The following GPR160 variants were observed in gnomAD, a reference collection of about 807,000 sequenced individuals.
GPR160 encodes G protein-coupled receptor 160, also known as probable G protein-coupled receptor 160.
A neutral mutation model predicts 2.6 loss-of-function variants in GPR160; 2 were observed. That is an observed-to-expected ratio of 0.77 (90% CI 0.32 to 2.44). The LOEUF (loss-of-function observed/expected upper bound fraction) is 2.44. Ranked by LOEUF, GPR160 falls within the 30% of genes most tolerant of loss-of-function variation. The probability of loss-of-function intolerance (pLI) is 0.11; values close to 1 mark genes in which losing one functional copy is unlikely to be tolerated. For missense variants in GPR160, 351 were observed against 383.6 expected (o/e 0.91, Z 0.71); for synonymous variants, 130 against 132.2 (o/e 0.98, Z 0.12).
At chr3:170,059,845 C>G (rs1355248116) in intron 2 of GPR160, among the ~76,000 whole-genome samples, 2 of 152,082 alleles carry the variant, frequency 1.3e-5, no homozygotes, top group East Asian at 3.9e-4. Flanking sequence ...TCCCCCCACT[C>G]CCCCCTCTAG....
Position 170,038,259 on chromosome 3 carries a change from C to G in GPR160, c.-322+44C>G, listed in dbSNP as rs190861282. The G allele has an allele frequency of 6.6e-6, 1 of 152,242 alleles. No homozygotes were observed. Among genetic ancestry groups the G allele is most frequent in the Admixed American group, 6.5e-5 (1 of 15,302 alleles). The allele number at this position is 152,242 out of a possible 1,614,324, so 9.4% of individuals were successfully genotyped here. ...GGAGGGCGCCCGGCGCTCTCGCCAC[C>G]GGCGTCCCAGCCTCGGGGCGGCGAA... On this transcript the variant is annotated intron_variant, in intron 1 of 3. Coordinates refer to ENST00000355897, the MANE Select transcript of GPR160 (RefSeq NM_014373.3). The surrounding 1 kb of genome is among the most constrained non-coding windows in gnomAD (Gnocchi z 5.3).
At chr3:170,062,356 T>G in intron 2 of GPR160, 2 of 294,464 alleles carry the variant, frequency 6.8e-6, no homozygotes, top group Non-Finnish European at 1.3e-5. Flanking sequence ...TGCACCGACG[T>G]TGGGGAGAAT....
At chr3:170,041,126 G>C (rs1716428377) in intron 2 of GPR160, among the ~76,000 whole-genome samples, 1 of 152,186 alleles carries the variant, frequency 6.6e-6, no homozygotes, top group Admixed American at 6.5e-5. Flanking sequence ...TTTCCAAAAG[G>C]TAAATCCACA....
chr3:170,066,513 G>A (rs1712354502), intron 2 of GPR160, among the ~76,000 whole-genome samples: 1 of 152,128 alleles, frequency 6.6e-6, no homozygotes, highest in East Asian at 1.9e-4. Context: ...CCTTAACAAT[G>A]TGTCTTGGAG....
intron 2 of GPR160, among the ~76,000 whole-genome samples, chr3:170,039,290 C>T (rs1010097349): frequency 5.3e-5 from 8 of 152,196 alleles, no homozygotes; most frequent in Non-Finnish European, 8.8e-5. Context: ...TGAGGATCAG[C>T]TTGGTTGCTA....
chr3:170,052,333 T>C (rs1373647594), intron 2 of GPR160, among the ~76,000 whole-genome samples: 1 of 152,268 alleles, frequency 6.6e-6, no homozygotes, highest in African/African-American at 2.4e-5. Flanking sequence ...TACACCATTT[T>C]ACACCTCAAA....
chr3:170,070,989 T>C (rs1423432010), intron 2 of GPR160, among the ~76,000 whole-genome samples: 1 of 152,224 alleles, frequency 6.6e-6, no homozygotes, highest in Non-Finnish European at 1.5e-5. Flanking sequence ...TTTTCATCTC[T>C]ACAGAACATT....
chr3:170,080,004 T>A lies in GPR160; in HGVS notation c.-69+107T>A, dbSNP rs1401946274. The A allele has an allele frequency of 5.9e-5, 9 of 152,138 alleles. 1 individual carries two copies. The East Asian group carries it at 1.7e-3, about 29-fold the overall frequency. 9.4% of individuals were successfully genotyped at this position (152,138 alleles called of 1,614,324 possible). ...GTTTCCCTGAGGCCCTGCTAATACC[T>A]CCAAACTGGGCCAGATCGTAAAGCA... On this transcript the variant is annotated intron_variant, in intron 3 of 3. Coordinates refer to ENST00000355897, the MANE Select transcript of GPR160 (RefSeq NM_014373.3).
At chr3:170,057,915 A>G (rs1711725899) in intron 2 of GPR160, 1 of 152,252 alleles carries the variant, frequency 6.6e-6, no homozygotes, top group Admixed American at 6.5e-5. Context: ...GTAAGCTTGC[A>G]AAGCAAAACT....
intron 2 of GPR160, among the ~76,000 whole-genome samples, chr3:170,045,747 C>G (rs1035709926): frequency 5.9e-5 from 9 of 152,070 alleles, no homozygotes; most frequent in African/African-American, 2.2e-4. Context: ...GATGATTAAC[C>G]CCCTTGTCAA....
Position 170,084,863 on chromosome 3 carries a change from C to G in GPR160, c.891C>G (p.His297Gln), listed in dbSNP as rs762337181. 2.5e-6 allele frequency: 4 copies of G among 1,609,692 alleles called. No homozygotes were observed. The South Asian group carries it at 3.3e-5, about 13-fold the overall frequency. ...LIATVYWFNC[H>Q]KLNLKDIGLP... ...CTACAGTGTATTGGTTTAATTGTCA[C>G]AAGCTTAATTTAAAAGACATTGGAT... The change falls in exon 4 of 4, where the codon CAC (histidine) becomes CAG (glutamine). Residue 297 changes from histidine (H) to glutamine (Q), a missense_variant. By Grantham distance (24) the His-to-Gln change is conservative. Coordinates refer to ENST00000355897, the MANE Select transcript of GPR160 (RefSeq NM_014373.3).
At chr3:170,068,600 A>T (rs549424132) in intron 2 of GPR160, among the ~76,000 whole-genome samples, 73 of 152,248 alleles carry the variant, frequency 4.8e-4, no homozygotes, top group African/African-American at 1.7e-3. Context: ...AAATTTCCCA[A>T]ACATTATTTT....
chr3:170,081,830 G>T (rs937494666), intron 3 of GPR160, among the ~76,000 whole-genome samples: 3 of 152,052 alleles, frequency 2.0e-5, no homozygotes, highest in African/African-American at 7.2e-5. Flanking sequence ...GCGGTATTTG[G>T]TTTTCTGTTC....
intron 2 of GPR160, among the ~76,000 whole-genome samples, chr3:170,073,105 T>C (rs1371960152): frequency 1.3e-5 from 2 of 152,052 alleles, no homozygotes; most frequent in East Asian, 3.9e-4. Flanking sequence ...GGAGCATTAC[T>C]TAAGCCTGGG....
intron 2 of GPR160, among the ~76,000 whole-genome samples, chr3:170,067,914 C>T (rs1221203887): frequency 6.6e-6 from 1 of 152,096 alleles, no homozygotes; most frequent in African/African-American, 2.4e-5. Flanking sequence ...CTCAGTATAT[C>T]CCTCAATCCT....
intron 2 of GPR160, among the ~76,000 whole-genome samples, chr3:170,074,674 G>A (rs140587572): frequency 6.6e-6 from 1 of 151,972 alleles, no homozygotes; most frequent in East Asian, 1.9e-4. Context: ...ATAGAGATGA[G>A]GTTTTGCCGT....
At chr3:170,081,140 C>T (rs964295061) in intron 3 of GPR160, among the ~76,000 whole-genome samples, 4 of 152,204 alleles carry the variant, frequency 2.6e-5, no homozygotes, top group African/African-American at 7.2e-5. Flanking sequence ...TCCTCACCCT[C>T]ATTTTAAACC....
chr3:170,062,710 G>A, intron 2 of GPR160: 2 of 1,385,110 alleles, frequency 1.4e-6, no homozygotes, highest in South Asian at 1.2e-5. Context: ...CCGAAAAAAA[G>A]CTCAAGGAAA....
chr3:170,074,085 C>CA (rs1712734182), intron 2 of GPR160, among the ~76,000 whole-genome samples: 1 of 151,728 alleles, frequency 6.6e-6, no homozygotes, highest in South Asian at 2.1e-4. Flanking sequence ...ACGGGGGTTT[C>CA]ACCATATTGG....
Sources: allele counts gnomAD v4.1 joint callset (sites outside exome capture counted in the v4.1 genomes callset), GRCh38; gene constraint gnomAD v4.1.1; non-coding constraint Gnocchi (gnomAD v3.1); transcripts MANE v1.5; gene names NCBI Gene and HGNC (gene_info 2026-07-23, HGNC 2026-07-21).